TFEC: variants seen among roughly 807,000 people sequenced by gnomAD.
The protein encoded by TFEC is class E basic helix-loop-helix protein 34.
A neutral mutation model predicts 41.6 loss-of-function variants in TFEC; 31 were observed. The ratio of observed to expected loss-of-function variants is 0.74; its 90% confidence interval spans 0.56 to 1.01. The LOEUF is 1.01. Among genes scored for constraint, TFEC ranks in the 50% least tolerant of loss-of-function variants. The pLI is 0.00. For missense variants in TFEC, 402 were observed against 404.1 expected, an observed-to-expected ratio of 0.99 and a Z score of 0.04; for synonymous variants, 143 against 140.6, an observed-to-expected ratio of 1.02 and a Z score of -0.12.
intron 6 of TFEC, among the ~76,000 whole-genome samples, chr7:115,943,630 A>G (rs904299879): frequency 2.6e-5 from 4 of 151,608 alleles, no homozygotes; most frequent in Non-Finnish European, 5.9e-5. Flanking sequence ...TATATTTACT[A>G]AAGAGACTTT....
At chr7:115,966,271 G>A (rs570091989) in intron 3 of TFEC, among the ~76,000 whole-genome samples, 2 of 151,732 alleles carry the variant, frequency 1.3e-5, no homozygotes, top group East Asian at 3.9e-4. Context: ...TGTGCCCATG[G>A]CTCTCAACAA....
At chr7:116,042,527 G>A (rs376145323) in intron 3 of TFEC, among the ~76,000 whole-genome samples, 1 of 152,118 alleles carries the variant, frequency 6.6e-6, no homozygotes, top group African/African-American at 2.4e-5. Flanking sequence ...TTGAATTCAC[G>A]ATTAATTTGT....
At chr7:116,155,272 A>G (rs1798846496) in intron 1 of TFEC, among the ~76,000 whole-genome samples, 1 of 152,226 alleles carries the variant, frequency 6.6e-6, no homozygotes, top group South Asian at 2.1e-4. Context: ...TTAAACCAAG[A>G]ACTAGAGAAT....
intron 3 of TFEC, among the ~76,000 whole-genome samples, chr7:116,105,745 C>T (rs1359064832): frequency 1.3e-5 from 2 of 152,198 alleles, no homozygotes; most frequent in African/African-American, 2.4e-5. Flanking sequence ...AGCTTTGCCT[C>T]ACATCCATGA....
chr7:115,952,708 A>C (rs527602558), intron 5 of TFEC, among the ~76,000 whole-genome samples: 3 of 152,090 alleles, frequency 2.0e-5, no homozygotes, highest in East Asian at 3.9e-4. Context: ...AAAGGAGTCA[A>C]GTTTTAAGAA....
chr7:116,073,411 A>G (rs1796876935), intron 3 of TFEC, among the ~76,000 whole-genome samples: 1 of 151,808 alleles, frequency 6.6e-6, no homozygotes, highest in South Asian at 2.1e-4. Context: ...TGTTTTAATT[A>G]ATGATAAGCA....
chr7:116,035,995 C>T (rs974964653), intron 3 of TFEC, among the ~76,000 whole-genome samples: 3 of 151,938 alleles, frequency 2.0e-5, no homozygotes, highest in Non-Finnish European at 4.4e-5. Flanking sequence ...ATTTTGGCCA[C>T]ATAAATATTA....
chr7:116,136,146 T>G (rs991574252), intron 1 of TFEC, among the ~76,000 whole-genome samples: 10 of 152,140 alleles, frequency 6.6e-5, no homozygotes, highest in African/African-American at 2.4e-4. Context: ...AGGAATTTGG[T>G]TTTTAAGCCA....
At chr7:116,018,477 T>C (rs937686010) in intron 1 of TFEC, among the ~76,000 whole-genome samples, 1 of 152,126 alleles carries the variant, frequency 6.6e-6, no homozygotes, top group Non-Finnish European at 1.5e-5. Context: ...AAGTAGAAGA[T>C]ACAAGCAAGA....
intron 1 of TFEC, among the ~76,000 whole-genome samples, chr7:116,114,040 T>A (rs187166462): frequency 6.6e-6 from 1 of 152,140 alleles, no homozygotes; most frequent in Admixed American, 6.6e-5. Flanking sequence ...AAAATAAAAG[T>A]AACACATTTA....
chr7:116,003,247 A>C (rs550746485), intron 1 of TFEC, among the ~76,000 whole-genome samples: 3 of 74,866 alleles, frequency 4.0e-5, no homozygotes, highest in Admixed American at 1.2e-4. Flanking sequence ...TTAAACTTTA[A>C]ATTTAAAAAA....
chr7:116,042,250 T>C (rs1796055546), intron 3 of TFEC, among the ~76,000 whole-genome samples: 1 of 152,142 alleles, frequency 6.6e-6, no homozygotes, highest in South Asian at 2.1e-4. Flanking sequence ...TGGAAGAACA[T>C]TCTTGTCTTT....
chr7:115,971,053 A>T (rs1403766918), intron 3 of TFEC, among the ~76,000 whole-genome samples: 4 of 152,186 alleles, frequency 2.6e-5, no homozygotes, highest in African/African-American at 9.6e-5. Flanking sequence ...TTTAATAAAC[A>T]TCTGTTAATT....
chr7:116,017,511 A>G (rs1384372820), intron 1 of TFEC, among the ~76,000 whole-genome samples: 1 of 151,956 alleles, frequency 6.6e-6, no homozygotes, highest in Non-Finnish European at 1.5e-5. Context: ...ATGAGCCACC[A>G]CACCCGGCAC....
intron 1 of TFEC, among the ~76,000 whole-genome samples, chr7:115,985,048 T>A (rs1171929106): frequency 6.6e-6 from 1 of 152,090 alleles, no homozygotes; most frequent in African/African-American, 2.4e-5. Context: ...TTTTCTACTT[T>A]TCTGTACTTC....
intron 1 of TFEC, chr7:116,120,177 C>T (rs1798080627): frequency 6.6e-6 from 1 of 151,858 alleles, no homozygotes; most frequent in Admixed American, 6.6e-5. Flanking sequence ...TGCTTTCTAG[C>T]TTGTTCTGTG....
chr7:115,967,306 T>C (rs1376833053), intron 3 of TFEC, among the ~76,000 whole-genome samples: 1 of 151,720 alleles, frequency 6.6e-6, no homozygotes, highest in African/African-American at 2.4e-5. Context: ...GATCCTATAT[T>C]GTGTTTTTTT....
intron 1 of TFEC, among the ~76,000 whole-genome samples, chr7:115,999,699 C>CAAGT (rs1167716030): frequency 6.6e-6 from 1 of 151,814 alleles, no homozygotes; most frequent in African/African-American, 2.4e-5. Context: ...GTGATATGAG[C>CAAGT]AAGTATATGC....
chr7:115,970,890 C>T (rs909550754), intron 3 of TFEC, among the ~76,000 whole-genome samples: 2 of 151,914 alleles, frequency 1.3e-5, no homozygotes, highest in Non-Finnish European at 2.9e-5. Context: ...TCTGCAGAGC[C>T]GTGAGGCAAA....
Sources: gnomAD v4.1 joint callset for allele counts (sites outside exome capture counted in the v4.1 genomes callset) on GRCh38, gnomAD v4.1.1 for gene constraint, MANE v1.5 for transcripts, NCBI Gene and HGNC (gene_info 2026-07-23, HGNC 2026-07-21) for gene names.